NIM1K: variants seen among roughly 807,000 people sequenced by gnomAD.
The protein encoded by NIM1K is NIM1 serine/threonine protein kinase, also known as serine/threonine-protein kinase NIM1.
NIM1K carries 35 observed loss-of-function variants against 37.1 expected under a neutral mutation model. The ratio of observed to expected loss-of-function variants is 0.94; its 90% CI spans 0.72 to 1.25. The LOEUF (loss-of-function observed/expected upper bound fraction) is 1.25. NIM1K is among the 50% of genes most tolerant of loss of function. The pLI is 0.00. For synonymous variants in NIM1K, 234 were observed against 206.6 expected (o/e 1.13, Z -1.14); for missense variants, 564 against 548.0 (o/e 1.03, Z -0.29).
chr5:43,249,342 A>G (rs1752834332), intron 2 of NIM1K, among the ~76,000 whole-genome samples: 1 of 152,130 alleles, frequency 6.6e-6, no homozygotes, highest in South Asian at 2.1e-4. Context: ...TGCTGGGATT[A>G]CAGGCCTGAG....
chr5:43,198,678 A>G (rs1444757330), intron 1 of NIM1K, among the ~76,000 whole-genome samples: 1 of 152,202 alleles, frequency 6.6e-6, no homozygotes, highest in African/African-American at 2.4e-5. Flanking sequence ...TGGCACACAC[A>G]GCTCCTGCTC....
chr5:43,222,969 T>A (rs1448828496), intron 1 of NIM1K, among the ~76,000 whole-genome samples: 1 of 151,390 alleles, frequency 6.6e-6, no homozygotes, highest in Non-Finnish European at 1.5e-5. Flanking sequence ...CGAAACCCCA[T>A]CTCTACTAAA....
At chr5:43,239,556 C>G (rs1351501750) in intron 1 of NIM1K, among the ~76,000 whole-genome samples, 1 of 151,472 alleles carries the variant, frequency 6.6e-6, no homozygotes, top group Non-Finnish European at 1.5e-5. Context: ...GATGGAATTT[C>G]ACTCTTGTTT....
intron 1 of NIM1K, among the ~76,000 whole-genome samples, chr5:43,213,165 T>TTTTTTC: frequency 2.6e-5 from 1 of 39,134 alleles, no homozygotes; most frequent in South Asian, 1.0e-3. Context: ...TTCTTTCTTT[T>TTTTTTC]TTTCTTTCTT....
chr5:43,241,473 G>A (rs1752702319), intron 1 of NIM1K, among the ~76,000 whole-genome samples: 1 of 151,634 alleles, frequency 6.6e-6, no homozygotes, highest in South Asian at 2.1e-4. Context: ...CTGAGTAGCT[G>A]GGACTACAGG....
chr5:43,243,794 G>T (rs1432176385), intron 1 of NIM1K, among the ~76,000 whole-genome samples: 3 of 152,136 alleles, frequency 2.0e-5, no homozygotes, highest in African/African-American at 7.2e-5. Flanking sequence ...TCCCACCTCA[G>T]TCTGTAGGTG....
At chr5:43,272,205 G>A (rs539654867) in intron 2 of NIM1K, among the ~76,000 whole-genome samples, 3 of 152,214 alleles carry the variant, frequency 2.0e-5, no homozygotes, top group African/African-American at 7.2e-5. Flanking sequence ...AATGTTTCAG[G>A]TCTTTCCTAC....
chr5:43,259,855 T>G (rs1753001877), intron 2 of NIM1K, among the ~76,000 whole-genome samples: 1 of 152,136 alleles, frequency 6.6e-6, no homozygotes, highest in South Asian at 2.1e-4. Flanking sequence ...CACAAATTCT[T>G]TATCTAAGTC....
chr5:43,268,408 G>A (rs1458910399), intron 2 of NIM1K, among the ~76,000 whole-genome samples: 1 of 152,074 alleles, frequency 6.6e-6, no homozygotes, highest in African/African-American at 2.4e-5. Flanking sequence ...GGGCTGACCA[G>A]ACCAGGTGCT....
At chr5:43,197,512 G>C (rs1307754093) in intron 1 of NIM1K, among the ~76,000 whole-genome samples, 2 of 152,108 alleles carry the variant, frequency 1.3e-5, no homozygotes, top group African/African-American at 4.8e-5. Context: ...TTTTTAAAGA[G>C]CCTTTTAAAC....
chr5:43,270,529 T>C (rs1464889864), intron 2 of NIM1K, among the ~76,000 whole-genome samples: 1 of 152,120 alleles, frequency 6.6e-6, no homozygotes, highest in East Asian at 1.9e-4. Flanking sequence ...CAGCTGTGAA[T>C]GAGGAGTGGA....
Position 43,245,910 on chromosome 5 carries a change from G to A in NIM1K, c.135G>A (p.Leu45=). 6.2e-7 allele frequency: 1 copy of A among 1,614,168 alleles called. No homozygotes were observed. Among genetic ancestry groups the A allele is most frequent in the Non-Finnish European group, 8.5e-7 (1 of 1,180,016 alleles). Residue 45 remains leucine (L), a synonymous_variant, in exon 2 of 4, where the codon CTG becomes CTA. Transcript: ENST00000326035. ...KEGEEGQPRQ[L]TPFEKLTQDM... is the part of the protein sequence containing the mutation. ...GTGAGGAGGGACAGCCCCGCCAGCTGACGCCCTTCGAGAAACTGACACAGG... is the reference window on the plus strand; with the variant it reads ...GTGAGGAGGGACAGCCCCGCCAGCTAACGCCCTTCGAGAAACTGACACAGG...
At position 43,199,199 on chromosome 5, in the gene NIM1K, AAAAAAATATATATATATATATAT is replaced by A. The variant is rs1193789487; in HGVS notation, c.-695+6790_-695+6812del. Among the ~76,000 whole-genome samples, 8 of 96,066 alleles carry A rather than the reference AAAAAAATATATATATATATATAT, an allele frequency of 8.3e-5. 1 individual carries two copies. The allele number at this position is 96,066 out of a possible 152,430, so 63.0% of individuals were successfully genotyped here. A position where few individuals can be genotyped will look rare whatever the true frequency, so the allele number is the denominator to read the frequency against. The stretch of plus-strand genomic sequence containing the variant: ...GTGAAGCTCTGTCTCCAAAAAAAAA[AAAAAAATATATATATATATATAT>A]ATATATATATATATATGAAAAATGT... On this transcript the variant is annotated intron_variant, in intron 1 of 3. Coordinates refer to ENST00000326035, the MANE Select transcript of NIM1K (RefSeq NM_153361.4).
At chr5:43,196,266 T>C (rs1751912579) in intron 1 of NIM1K, among the ~76,000 whole-genome samples, 1 of 152,202 alleles carries the variant, frequency 6.6e-6, no homozygotes, top group African/African-American at 2.4e-5. Flanking sequence ...ATTTTTCTTT[T>C]TACTTTAAAA....
At chr5:43,235,116 C>A (rs1723769716) in intron 1 of NIM1K, among the ~76,000 whole-genome samples, 2 of 152,150 alleles carry the variant, frequency 1.3e-5, no homozygotes, top group Non-Finnish European at 2.9e-5. Context: ...ACTAGTAATT[C>A]TTACAAATAT....
At chr5:43,259,226 G>T (rs922569957) in intron 2 of NIM1K, among the ~76,000 whole-genome samples, 3 of 152,164 alleles carry the variant, frequency 2.0e-5, no homozygotes, top group African/African-American at 2.4e-5. Flanking sequence ...ATGCATGCAG[G>T]TGTTTTTTGA....
chr5:43,277,815 TGAGAGAGA>T (rs34538655), intron 3 of NIM1K, among the ~76,000 whole-genome samples: 12 of 128,980 alleles, frequency 9.3e-5, no homozygotes, highest in South Asian at 2.5e-4. Flanking sequence ...TGTGTGTGTG[TGAGAGAGA>T]GAGAGAGAGA....
Position 43,277,135 on chromosome 5 carries a change from G to A in NIM1K, c.371G>A (p.Ser124Asn). Reference sequence around the variant, plus strand: ...AGGCTACTATCCCGAGAAATCTCCAGCATGGAAAAGCTGCACCATCCCAAC... The same window carrying A: ...AGGCTACTATCCCGAGAAATCTCCAACATGGAAAAGCTGCACCATCCCAAC... ...TQRLLSREIS[S>N]MEKLHHPNII... The change falls in exon 3 of 4, where the codon AGC becomes AAC. Residue 124 changes from serine (S) to asparagine (N), a missense_variant. By Grantham distance (46) the Ser-to-Asn change is conservative (BLOSUM62 1). Coordinates refer to ENST00000326035, the MANE Select transcript of NIM1K (RefSeq NM_153361.4). The A allele has an allele frequency of 6.2e-7, 1 of 1,614,106 alleles. No individual in the cohort carries two copies.
intron 1 of NIM1K, among the ~76,000 whole-genome samples, chr5:43,202,729 G>A (rs1382096431): frequency 2.6e-5 from 4 of 152,180 alleles, no homozygotes; most frequent in African/African-American, 2.4e-5. Context: ...ACTAAGCAGC[G>A]CTGAAGAAAA....
Sources: gnomAD v4.1 joint callset for allele counts (sites outside exome capture counted in the v4.1 genomes callset) on GRCh38, gnomAD v4.1.1 for gene constraint, MANE v1.5 for transcripts, NCBI Gene and HGNC (gene_info 2026-07-23, HGNC 2026-07-21) for gene names.